Variants in NCOA1 observed in about 807,000 individuals in gnomAD.
NCOA1 encodes the protein Hin-2 protein.
In NCOA1, 35 loss-of-function variants were observed where a neutral mutation model predicts 150.9. The observed-to-expected ratio is 0.23, with a 90% CI of 0.18 to 0.31. The LOEUF is 0.31. NCOA1 is among the 10% of genes least tolerant of loss of function. NCOA1 has a pLI of 1.00. For missense variants in NCOA1, 1,491 were observed against 1,749.3 expected, an observed-to-expected ratio of 0.85 and a Z score of 2.63; for synonymous variants, 590 against 630.0, an observed-to-expected ratio of 0.94 and a Z score of 0.95.
chr2:24,658,381 A>G (rs922025782), intron 4 of NCOA1, among the ~76,000 whole-genome samples: 12 of 152,220 alleles, frequency 7.9e-5, no homozygotes, highest in African/African-American at 2.7e-4. Flanking sequence ...CTCAGTATCT[A>G]TTTAATTATT....
At chr2:24,754,378 CT>C (rs1453794384) in intron 20 of NCOA1, among the ~76,000 whole-genome samples, 1 of 152,228 alleles carries the variant, frequency 6.6e-6, no homozygotes, top group Non-Finnish European at 1.5e-5. Context: ...CTGATCCCAT[CT>C]GTTATTCTCA....
At chr2:24,508,583 T>C (rs1663803057) in intron 1 of NCOA1, among the ~76,000 whole-genome samples, 1 of 152,114 alleles carries the variant, frequency 6.6e-6, no homozygotes, top group Admixed American at 6.5e-5. Context: ...ATGAAATGTC[T>C]CAAGTCTTTT....
chr2:24,715,470 AT>A (rs941198334), intron 14 of NCOA1, among the ~76,000 whole-genome samples: 6 of 152,180 alleles, frequency 3.9e-5, no homozygotes, highest in African/African-American at 1.4e-4. Context: ...ACAGAAAAAT[AT>A]TCTATAAGTG....
intron 2 of NCOA1, among the ~76,000 whole-genome samples, chr2:24,578,920 A>G (rs1667093608): frequency 6.6e-6 from 1 of 152,240 alleles, no homozygotes; most frequent in African/African-American, 2.4e-5. Context: ...TAATACCTGA[A>G]TAGTTCATAT....
chr2:24,630,842 T>C (rs1030253020), intron 3 of NCOA1, among the ~76,000 whole-genome samples: 11 of 152,194 alleles, frequency 7.2e-5, no homozygotes, highest in African/African-American at 2.4e-4. Context: ...TGCTATTCTA[T>C]TAGAAAAAGC....
chr2:24,680,892 A>C (rs972136441), intron 7 of NCOA1, among the ~76,000 whole-genome samples: 6 of 152,172 alleles, frequency 3.9e-5, no homozygotes, highest in Non-Finnish European at 8.8e-5. Context: ...ACCTCTCAAA[A>C]ATAAGGTAGA....
intron 3 of NCOA1, among the ~76,000 whole-genome samples, chr2:24,628,416 A>C (rs1033465550): frequency 2.6e-5 from 4 of 152,168 alleles, no homozygotes; most frequent in Non-Finnish European, 5.9e-5. Flanking sequence ...ATCAGAGCTT[A>C]TTCTCTTTGA....
At chr2:24,550,557 C>T (rs984231651) in intron 1 of NCOA1, among the ~76,000 whole-genome samples, 25 of 152,226 alleles carry the variant, frequency 1.6e-4, no homozygotes, top group African/African-American at 6.0e-4. Context: ...AAAGACCTGC[C>T]CCTATGATTC....
intron 1 of NCOA1, among the ~76,000 whole-genome samples, chr2:24,544,776 CA>C (rs1464033999): frequency 1.3e-5 from 2 of 151,776 alleles, no homozygotes; most frequent in African/African-American, 4.8e-5. Context: ...ATAAGACTTT[CA>C]AAAGAAAAAG....
chr2:24,627,121 G>GTTTTT (rs33949925), intron 3 of NCOA1, among the ~76,000 whole-genome samples: 44 of 115,122 alleles, frequency 3.8e-4, no homozygotes, highest in African/African-American at 6.7e-4. Flanking sequence ...GTTTTTTGCT[G>GTTTTT]TTTTTTTTTT....
At chr2:24,731,547 C>T (rs537414749) in intron 17 of NCOA1, among the ~76,000 whole-genome samples, 9 of 150,404 alleles carry the variant, frequency 6.0e-5, no homozygotes, top group East Asian at 3.9e-4. Context: ...AGGAAGATGA[C>T]GAAAGAGAAG....
chr2:24,682,786 T>C (rs1362150369), intron 7 of NCOA1, among the ~76,000 whole-genome samples, 165 bp from the exon 8 acceptor site: 1 of 126,416 alleles, frequency 7.9e-6, no homozygotes, highest in African/African-American at 3.2e-5. Flanking sequence ...ATCACTGATA[T>C]TTTATTATGT....
rs373951807 is a variant in NCOA1, at chr2:24,672,117, A to G, written c.257-1249A>G. ...AACATGAAACAATAACATTGTTTAT[A>G]TATATGTTTATATATATAACAATAT... On this transcript the variant is annotated intron_variant, in intron 6 of 22. Transcript: ENST00000348332. 4.3e-5 allele frequency among the ~76,000 whole-genome samples: 5 copies of G among 114,982 alleles called. 1 individual carries two copies. The South Asian group carries it at 1.5e-3, about 35-fold the overall frequency. 75.4% of individuals were successfully genotyped at this position (114,982 alleles called of 152,430 possible).
At chr2:24,536,387 GGGTTAGAACATGCTCCTTTAGCTC>G (rs1250732156) in intron 1 of NCOA1, among the ~76,000 whole-genome samples, 1 of 152,108 alleles carries the variant, frequency 6.6e-6, no homozygotes, top group Non-Finnish European at 1.5e-5. Context: ...TCCTTGCAAT[GGGTTAGAACATGCTCCTTTAGCTC>G]GGAGAAGTTT....
At chr2:24,682,517 A>G (rs1333645499) in intron 7 of NCOA1, among the ~76,000 whole-genome samples, 2 of 152,098 alleles carry the variant, frequency 1.3e-5, no homozygotes, top group South Asian at 2.1e-4. Context: ...AGCCCCTGTG[A>G]TTTGGCTCCT....
intron 1 of NCOA1, among the ~76,000 whole-genome samples, chr2:24,537,455 G>A (rs915566312): frequency 6.6e-6 from 1 of 151,430 alleles, no homozygotes; most frequent in African/African-American, 2.4e-5. Context: ...TAATATATTT[G>A]TGTGTGTATA....
In NCOA1 at chr2:24,768,328, G is replaced by A. The variant is rs145044877; in HGVS notation, c.4263G>A (p.Thr1421=). The part of the protein sequence containing the change: ...QPGPLGTQKP[T]SGPQTPQAQQ... ...GTCCACTGGGAACTCAAAAGCCCAC[G>A]TCAGGACCACAGACCCCCCAGGCCC... is the stretch of plus-strand genomic sequence containing the variant. Residue 1421 remains threonine (T), a synonymous_variant, in exon 23 of 23, where the codon ACG becomes ACA. Transcript: ENST00000348332. The A allele has an allele frequency of 7.1e-5, 114 of 1,613,720 alleles. No individual in the cohort carries two copies. The African/African-American group carries it at 1.2e-3, about 17-fold the overall frequency.
chr2:24,529,688 C>T (rs563967815), intron 1 of NCOA1, among the ~76,000 whole-genome samples: 25 of 152,252 alleles, frequency 1.6e-4, no homozygotes, highest in African/African-American at 6.0e-4. Flanking sequence ...GTACCTTTAA[C>T]CGCTTAACTT....
intron 6 of NCOA1, among the ~76,000 whole-genome samples, chr2:24,672,146 G>A (rs1259211556): frequency 1.4e-5 from 2 of 142,134 alleles, no homozygotes; most frequent in African/African-American, 2.5e-5. Flanking sequence ...ACAATATATT[G>A]TTTATGAAAT....
Sources: gnomAD v4.1 joint callset for allele counts (sites outside exome capture counted in the v4.1 genomes callset) on GRCh38, gnomAD v4.1.1 for gene constraint, MANE v1.5 for transcripts, NCBI Gene and HGNC (gene_info 2026-07-23, HGNC 2026-07-21) for gene names.